Variants in DPP10 observed in about 807,000 individuals in gnomAD.
DPP10 encodes dipeptidyl peptidase like 10, also known as inactive dipeptidyl peptidase 10.
A neutral mutation model predicts 120.9 loss-of-function variants in DPP10; 33 were observed. The ratio of observed to expected loss-of-function variants is 0.27; its 90% CI spans 0.21 to 0.37. DPP10 has a LOEUF of 0.37. DPP10 is among the 10% of genes least tolerant of loss of function. The pLI, the probability that DPP10 is intolerant of heterozygous loss-of-function variation, is 1.00. For synonymous variants in DPP10, 337 were observed against 326.1 expected (o/e 1.03, Z -0.36); for missense variants, 816 against 942.8 (o/e 0.87, Z 1.76).
chr2:114,522,306 T>C (rs1469786383), intron 1 of DPP10, among the ~76,000 whole-genome samples: 5 of 152,104 alleles, frequency 3.3e-5, no homozygotes, highest in Non-Finnish European at 5.9e-5. Context: ...TTATACCCAG[T>C]CAAGCTGTTC....
At chr2:115,311,172 G>T (rs1243801940) in intron 2 of DPP10, among the ~76,000 whole-genome samples, 1 of 152,170 alleles carries the variant, frequency 6.6e-6, no homozygotes, top group Non-Finnish European at 1.5e-5. Flanking sequence ...TTCTGCCTCT[G>T]TAATACAGTA....
intron 1 of DPP10, among the ~76,000 whole-genome samples, chr2:115,294,035 A>G (rs1241562570): frequency 6.6e-6 from 1 of 152,160 alleles, no homozygotes; most frequent in Non-Finnish European, 1.5e-5. Flanking sequence ...ATACTTTGCC[A>G]GTCATTCCTA....
At chr2:115,192,426 T>C (rs1315563509) in intron 1 of DPP10, among the ~76,000 whole-genome samples, 1 of 152,226 alleles carries the variant, frequency 6.6e-6, no homozygotes, top group Non-Finnish European at 1.5e-5. Context: ...TATAAATCTC[T>C]ATGCACCCAT....
intron 1 of DPP10, among the ~76,000 whole-genome samples, chr2:114,772,424 G>T (rs1321254050): frequency 6.6e-6 from 1 of 152,032 alleles, no homozygotes; most frequent in African/African-American, 2.4e-5. Flanking sequence ...CTACCAAAGT[G>T]CTGGGATTAC....
intron 1 of DPP10, among the ~76,000 whole-genome samples, chr2:114,460,297 G>C (rs987318631): frequency 6.6e-6 from 1 of 151,958 alleles, no homozygotes; most frequent in Non-Finnish European, 1.5e-5. Context: ...CATATAAAAT[G>C]ATCAGTACTA....
At chr2:114,956,449 G>A (rs1169940480) in intron 1 of DPP10, among the ~76,000 whole-genome samples, 1 of 151,816 alleles carries the variant, frequency 6.6e-6, no homozygotes. Context: ...CATTGAAGAA[G>A]AGACAAATAA....
At chr2:114,484,938 A>AT (rs112288442) in intron 1 of DPP10, among the ~76,000 whole-genome samples, 10,381 of 145,776 alleles carry the variant, frequency 0.071, 428 homozygotes, top group Non-Finnish European at 0.094. Flanking sequence ...TGCTTCTAAG[A>AT]TTTTTTTTTT....
chr2:114,866,886 A>G (rs1028599891), intron 1 of DPP10, among the ~76,000 whole-genome samples: 1 of 152,240 alleles, frequency 6.6e-6, no homozygotes, highest in Non-Finnish European at 1.5e-5. Context: ...TAATAGCTCA[A>G]ACAGGATCAT....
intron 1 of DPP10, among the ~76,000 whole-genome samples, chr2:114,818,997 A>G (rs1574262692): frequency 6.6e-6 from 1 of 152,234 alleles, no homozygotes; most frequent in East Asian, 1.9e-4. Context: ...TAATTGACTT[A>G]GTGATACGTT....
At chr2:115,801,935 A>T (rs1343787639) in intron 19 of DPP10, among the ~76,000 whole-genome samples, 2 of 152,178 alleles carry the variant, frequency 1.3e-5, no homozygotes, top group Non-Finnish European at 2.9e-5. Flanking sequence ...TATCAGGATG[A>T]TGCTGGCCTC....
chr2:115,434,286 C>T (rs1386572795), intron 3 of DPP10, among the ~76,000 whole-genome samples: 1 of 151,902 alleles, frequency 6.6e-6, no homozygotes, highest in Non-Finnish European at 1.5e-5. Flanking sequence ...CATTACCAAC[C>T]ATTTGAAACA....
chr2:115,650,147 A>T (rs1307922270), intron 5 of DPP10, among the ~76,000 whole-genome samples: 1 of 152,094 alleles, frequency 6.6e-6, no homozygotes, highest in East Asian at 1.9e-4. Flanking sequence ...TCACTTTGAG[A>T]ACAGATTTTG....
intron 1 of DPP10, among the ~76,000 whole-genome samples, chr2:114,979,904 C>A (rs550959917): frequency 6.6e-6 from 1 of 152,106 alleles, no homozygotes; most frequent in East Asian, 1.9e-4. Flanking sequence ...TGCCTGCTGG[C>A]GCAAAAGTCG....
intron 3 of DPP10, among the ~76,000 whole-genome samples, chr2:115,440,610 T>A (rs1278700777): frequency 3.5e-4 from 54 of 152,142 alleles, no homozygotes; most frequent in Admixed American, 3.5e-3. Flanking sequence ...AGGGGCTTGA[T>A]TAACTTTTAT....
At chr2:114,625,544 T>A (rs1001665395) in intron 1 of DPP10, among the ~76,000 whole-genome samples, 22 of 152,042 alleles carry the variant, frequency 1.4e-4, no homozygotes, top group Non-Finnish European at 4.4e-5. Flanking sequence ...TCTTCCCTTA[T>A]CAGCTACTTG....
chr2:115,688,145 T>C (rs1315092931), intron 5 of DPP10, among the ~76,000 whole-genome samples: 2 of 152,138 alleles, frequency 1.3e-5, no homozygotes, highest in African/African-American at 2.4e-5. Flanking sequence ...TATGGAACTT[T>C]ATAGAACACA....
intron 1 of DPP10, among the ~76,000 whole-genome samples, chr2:115,020,094 A>G (rs1702962600): frequency 1.3e-5 from 2 of 152,176 alleles, no homozygotes; most frequent in Admixed American, 6.5e-5. Flanking sequence ...ACAATAACAC[A>G]GTAGAAAAAA....
rs148957732 is a variant in DPP10, at chr2:114,922,721, A to G, written c.61-386518A>G. 2.4e-3 allele frequency among the ~76,000 whole-genome samples: 368 copies of G among 152,262 alleles called. 1 individual carries two copies. Among genetic ancestry groups the G allele is most frequent in the African/African-American group, 8.5e-3 (354 of 41,542 alleles). On this transcript the variant is annotated intron_variant, in intron 1 of 25. Coordinates refer to ENST00000410059, the MANE Select transcript of DPP10 (RefSeq NM_020868.6). ...TTTTCATGTTGTACCGTGAATCAACAATTTGTTTTTTAAAACTGATGAACA... is the reference window on the plus strand; with the variant it reads ...TTTTCATGTTGTACCGTGAATCAACGATTTGTTTTTTAAAACTGATGAACA...
chr2:115,127,227 GT>G (rs981018554), intron 1 of DPP10, among the ~76,000 whole-genome samples: 1 of 152,170 alleles, frequency 6.6e-6, no homozygotes, highest in African/African-American at 2.4e-5. Context: ...TCCTGTGTGT[GT>G]TTTGTTTCAC....
Sources: gnomAD v4.1 joint callset for allele counts (sites outside exome capture counted in the v4.1 genomes callset) on GRCh38, gnomAD v4.1.1 for gene constraint, MANE v1.5 for transcripts, NCBI Gene and HGNC (gene_info 2026-07-23, HGNC 2026-07-21) for gene names.